The following MAGI2 variants were observed in gnomAD, a reference collection of about 807,000 sequenced individuals.
MAGI2 encodes the protein membrane-associated guanylate kinase, WW and PDZ domain-containing protein 2.
Under a neutral mutation model 133.3 loss-of-function variants are expected in MAGI2, and 35 were observed. The ratio of observed to expected loss-of-function variants is 0.26; its 90% CI spans 0.20 to 0.35. MAGI2 has a LOEUF of 0.35. Ranked by LOEUF, MAGI2 falls within the 10% of genes least tolerant of loss-of-function variation. MAGI2 has a pLI of 1.00. For synonymous variants in MAGI2, 729 were observed against 710.6 expected, an observed-to-expected ratio of 1.03 and a Z score of -0.41; for missense variants, 1,636 against 1,863.4, an observed-to-expected ratio of 0.88 and a Z score of 2.25.
chr7:78,799,640 G>T (rs899795071), intron 2 of MAGI2, among the ~76,000 whole-genome samples: 5 of 152,086 alleles, frequency 3.3e-5, no homozygotes, highest in Non-Finnish European at 7.4e-5. Flanking sequence ...AAATAAGTTT[G>T]CTTCTTATGT....
At position 79,223,596 on chromosome 7, in the gene MAGI2, A is replaced by C. The variant is rs537314753; in HGVS notation, c.302-216390T>G. ...TAATCCCAACAATTTGGGAGGCCAAAGTGAGAGAATCGCCTGAGCCCAGGA... is the reference window on the plus strand; with the variant it reads ...TAATCCCAACAATTTGGGAGGCCAACGTGAGAGAATCGCCTGAGCCCAGGA... On this transcript the variant is annotated intron_variant, in intron 1 of 21. Transcript: ENST00000354212. 8.5e-4 allele frequency among the ~76,000 whole-genome samples: 130 copies of C among 152,130 alleles called. 2 individuals carry two copies. The highest frequency in any genetic ancestry group is 2.9e-3 in the African/African-American group (122 of 41,404).
chr7:78,469,195 T>C (rs145557882), intron 6 of MAGI2, among the ~76,000 whole-genome samples: 1 of 152,210 alleles, frequency 6.6e-6, no homozygotes, highest in Non-Finnish European at 1.5e-5. Context: ...CATATGAAAA[T>C]AAATTAAGAC....
At chr7:79,184,913 C>CAA (rs5885119) in intron 1 of MAGI2, among the ~76,000 whole-genome samples, 49 of 150,794 alleles carry the variant, frequency 3.2e-4, no homozygotes, top group East Asian at 2.0e-3. Flanking sequence ...TATAAAAAAA[C>CAA]AAAAAAACAG....
At chr7:78,292,113 TA>T (rs1472326581) in intron 9 of MAGI2, among the ~76,000 whole-genome samples, 1 of 152,058 alleles carries the variant, frequency 6.6e-6, no homozygotes, top group African/African-American at 2.4e-5. Flanking sequence ...AAATACAGGG[TA>T]TTCAATTAGG....
chr7:78,899,808 T>C (rs1014754113), intron 2 of MAGI2, among the ~76,000 whole-genome samples: 6 of 152,152 alleles, frequency 3.9e-5, no homozygotes, highest in Admixed American at 3.9e-4. Flanking sequence ...CAGTAATCCA[T>C]CACACCATAA....
chr7:79,442,347 T>TTAATGTA (rs1848547008), intron 1 of MAGI2, among the ~76,000 whole-genome samples: 1 of 152,154 alleles, frequency 6.6e-6, no homozygotes, highest in Non-Finnish European at 1.5e-5. Context: ...ATGGAATAGT[T>TTAATGTA]TAATGTAACT....
At chr7:78,501,974 C>T (rs143183915) in intron 4 of MAGI2, among the ~76,000 whole-genome samples, 187 bp from the exon 5 acceptor site, 1 of 152,302 alleles carries the variant, frequency 6.6e-6, no homozygotes, top group African/African-American at 2.4e-5. Flanking sequence ...TCATTGTCAT[C>T]TATCTTTCAG....
chr7:79,439,655 C>T (rs1037016212), intron 1 of MAGI2, among the ~76,000 whole-genome samples: 2 of 151,990 alleles, frequency 1.3e-5, no homozygotes, highest in African/African-American at 4.8e-5. Flanking sequence ...TTTAGCATGA[C>T]ATAAAACAAA....
At position 78,440,833 on chromosome 7, in the gene MAGI2, G is replaced by A. The variant is rs188945866; in HGVS notation, c.1045+48928C>T. Among the ~76,000 whole-genome samples the A allele has an allele frequency of 1.2e-4, 19 of 152,148 alleles. No homozygotes were observed. In the East Asian group the frequency reaches 3.5e-3, roughly 28 times the overall value. On this transcript the variant is annotated intron_variant, in intron 6 of 21. Coordinates refer to ENST00000354212, the MANE Select transcript of MAGI2 (RefSeq NM_012301.4). ...CCAGGCGTGGTAGTGGGTGCCTGTA[G>A]TCCCAGCCACTCGGGAGGCTGAGGT...
chr7:78,394,290 T>C (rs1796149760), intron 6 of MAGI2, among the ~76,000 whole-genome samples: 1 of 152,198 alleles, frequency 6.6e-6, no homozygotes, highest in Non-Finnish European at 1.5e-5. Flanking sequence ...GAGTAAATAC[T>C]GGACAAATGC....
At position 78,501,596 on chromosome 7, in the gene MAGI2, C is replaced by T; in HGVS notation, c.946G>A (p.Gly316Ser). ...ACTCACTCAATGAAGTAGACTTCGC[C>T]CTTCTCTGTATAGGCCATTTCCCAG... is the stretch of plus-strand genomic sequence containing the variant. ...DNWEMAYTEK[G>S]EVYFIDHNTK... The change falls in exon 5 of 22, where the codon GGC (glycine) becomes AGC (serine). Residue 316 changes from glycine (G) to serine (S), a missense_variant. This residue lies in a region of MAGI2 where 920 missense variants were observed against 1,093.5 expected (regional missense o/e 0.84). Coordinates refer to ENST00000354212, the MANE Select transcript of MAGI2 (RefSeq NM_012301.4). 2 of 1,613,972 alleles carry T rather than the reference C, an allele frequency of 1.2e-6. No individual in the cohort carries two copies. Among genetic ancestry groups the T allele is most frequent in the Non-Finnish European group, 1.7e-6 (2 of 1,180,000 alleles).
At position 78,343,940 on chromosome 7, in the gene MAGI2, C is replaced by T; in HGVS notation, c.1246G>A (p.Asp416Asn). ...GFREKPLFTRDASQLKGTFLS... is the reference protein window; with the variant it reads ...GFREKPLFTRNASQLKGTFLS... Reference sequence around the variant, plus strand: ...AATGTTCCCTTCAACTGGGATGCATCCCGGGTGAAGAGTGGTTTTTCTACA... The same window carrying T: ...AATGTTCCCTTCAACTGGGATGCATTCCGGGTGAAGAGTGGTTTTTCTACA... The change falls in exon 9 of 22, where the codon GAT becomes AAT. Residue 416 changes from aspartate (D) to asparagine (N), a missense_variant. Asp to Asn is a conservative substitution (Grantham distance 23, BLOSUM62 1). Coordinates refer to ENST00000354212, the MANE Select transcript of MAGI2 (RefSeq NM_012301.4). 1 of 1,609,202 alleles carries T rather than the reference C, an allele frequency of 6.2e-7. No individual in the cohort carries two copies. The highest frequency in any genetic ancestry group is 8.5e-7 in the Non-Finnish European group (1 of 1,178,578).
intron 16 of MAGI2, among the ~76,000 whole-genome samples, chr7:78,150,229 A>T (rs2150579045): frequency 6.6e-6 from 1 of 152,310 alleles, no homozygotes; most frequent in African/African-American, 2.4e-5. Flanking sequence ...TGGGAAAAAT[A>T]TCCCCTTATA....
intron 2 of MAGI2, among the ~76,000 whole-genome samples, chr7:78,928,786 A>G (rs1799900008): frequency 6.6e-6 from 1 of 152,070 alleles, no homozygotes; most frequent in African/African-American, 2.4e-5. Context: ...AATGGTCATT[A>G]TTTATATTGA....
intron 1 of MAGI2, among the ~76,000 whole-genome samples, chr7:79,361,909 T>A (rs1014401435): frequency 6.6e-6 from 1 of 151,830 alleles, no homozygotes; most frequent in Non-Finnish European, 1.5e-5. Flanking sequence ...TAAAAATATA[T>A]GGGAAGCAGC....
At chr7:78,548,409 A>C (rs769415502) in intron 3 of MAGI2, among the ~76,000 whole-genome samples, 5 of 152,186 alleles carry the variant, frequency 3.3e-5, no homozygotes, top group Admixed American at 6.5e-5. Context: ...GATTGCTTTC[A>C]TGTCGGCCAG....
intron 7 of MAGI2, among the ~76,000 whole-genome samples, chr7:78,360,825 A>G (rs933740434): frequency 6.6e-6 from 1 of 152,184 alleles, no homozygotes; most frequent in Admixed American, 6.5e-5. Context: ...CGCCTTCACA[A>G]GGCCATTCTC....
In MAGI2 at chr7:78,151,694, C is replaced by T. The variant is rs375793146; in HGVS notation, c.2845+8331G>A. On this transcript the variant is annotated intron_variant, in intron 16 of 21. Coordinates refer to ENST00000354212, the MANE Select transcript of MAGI2 (RefSeq NM_012301.4). ...AACTCTGTATTCTGGGACATTGCTC[C>T]GGTTCTGCTTTATTATCGTGTGATT... 1.4e-4 allele frequency among the ~76,000 whole-genome samples: 21 copies of T among 152,266 alleles called. 1 individual carries two copies. Among genetic ancestry groups the T allele is most frequent in the East Asian group, 1.4e-3 (7 of 5,180 alleles).
rs183049149 is a variant in MAGI2 at position 78,063,271 on chromosome 7, C to T, written c.3706+15676G>A. Among the ~76,000 whole-genome samples, 14 of 151,922 alleles carry T rather than the reference C, an allele frequency of 9.2e-5. No individual in the cohort carries two copies. In the East Asian group the frequency reaches 2.5e-3, roughly 27 times the overall value. ...TTTTCTTTTCTTTTGAGACAGGGTC[C>T]CACTCTGTCACCCAGGCTGGAGTAC... On this transcript the variant is annotated intron_variant, in intron 21 of 21. Transcript: ENST00000354212.
Sources: gnomAD v4.1 joint callset for allele counts (sites outside exome capture counted in the v4.1 genomes callset) on GRCh38, gnomAD v4.1.1 for gene constraint, gnomAD v4.1.1 regional missense constraint, MANE v1.5 for transcripts, NCBI Gene and HGNC (gene_info 2026-07-23, HGNC 2026-07-21) for gene names.